PIR: variants seen among roughly 807,000 people sequenced by gnomAD.
The protein encoded by PIR is pirin (iron-binding nuclear protein).
A neutral mutation model predicts 24.2 loss-of-function variants in PIR; 22 were observed. The ratio of observed to expected loss-of-function variants is 0.91; its 90% CI spans 0.65 to 1.30. The LOEUF is 1.30. Among genes scored for constraint, PIR ranks in the 50% most tolerant of loss-of-function variants. The pLI, the probability that PIR is intolerant of heterozygous loss-of-function variation, is 0.00. For synonymous variants in PIR, 80 were observed against 79.6 expected (o/e 1.00, Z -0.03); for missense variants, 220 against 220.3 (o/e 1.00, Z 0.01).
At chrX:15,440,322 C>T (rs1036890182) in intron 5 of PIR, among the ~76,000 whole-genome samples, 1 of 111,285 alleles carries the variant, frequency 9.0e-6, no homozygotes, top group Non-Finnish European at 1.9e-5. Context: ...CAGCCCACTG[C>T]TTCTGGCGGC....
At position 15,390,178 on chromosome X, in the gene PIR, G is replaced by A. The variant is rs1351190465; in HGVS notation, c.760+7C>T. On this transcript the variant is annotated splice_region_variant and intron_variant, in intron 9 of 9. Coordinates refer to ENST00000380420, the MANE Select transcript of PIR (RefSeq NM_001018109.3). ...AACCAAGAAAATCATTGTCATTTTG[G>A]TCTTACCATGTTGGATAACTGGTTC... 3 of 1,062,065 alleles carry A rather than the reference G, an allele frequency of 2.8e-6. No homozygotes were observed. The highest frequency in any genetic ancestry group is 3.7e-5 in the African/African-American group (2 of 53,647). The allele number at this position is 1,062,065 out of a possible 1,213,427, so 87.5% of individuals were successfully genotyped here.
chrX:15,476,768 A>G (rs73635091), intron 3 of PIR, among the ~76,000 whole-genome samples: 5,060 of 111,776 alleles, frequency 0.045, 299 homozygotes, highest in African/African-American at 0.15. Context: ...AAACTATCAT[A>G]AAGCATTATT....
intron 5 of PIR, among the ~76,000 whole-genome samples, chrX:15,431,670 C>CA (rs1485916303): frequency 2.4e-5 from 2 of 82,870 alleles, no homozygotes. Flanking sequence ...AAAAAATAAC[C>CA]ACCCCCCCCC....
At chrX:15,426,478 A>G (rs1925322454) in intron 5 of PIR, among the ~76,000 whole-genome samples, 1 of 112,201 alleles carries the variant, frequency 8.9e-6, no homozygotes, top group Non-Finnish European at 1.9e-5. Flanking sequence ...CTCGCTTGAA[A>G]AAGCCACAAC....
chrX:15,406,074 G>A (rs1924540742), intron 7 of PIR, among the ~76,000 whole-genome samples: 1 of 112,108 alleles, frequency 8.9e-6, no homozygotes, highest in African/African-American at 3.2e-5. Flanking sequence ...CCAAGGAGGT[G>A]GCCATGTTAG....
At chrX:15,446,127 C>T (rs1926094618) in intron 5 of PIR, among the ~76,000 whole-genome samples, 1 of 111,021 alleles carries the variant, frequency 9.0e-6, no homozygotes, top group Non-Finnish European at 1.9e-5. Flanking sequence ...CCACACCCGG[C>T]CTATTCAAGA....
chrX:15,422,302 G>A (rs188850667), intron 6 of PIR, among the ~76,000 whole-genome samples: 41 of 105,376 alleles, frequency 3.9e-4, no homozygotes, highest in Middle Eastern at 5.0e-3. Context: ...ACATAATACT[G>A]GAAGTCTTGG....
intron 3 of PIR, among the ~76,000 whole-genome samples, chrX:15,475,066 G>T (rs1468735125): frequency 9.4e-6 from 1 of 106,159 alleles, no homozygotes; most frequent in Non-Finnish European, 1.9e-5. Flanking sequence ...CAGCCTTGAT[G>T]GTAGGGTTTG....
intron 5 of PIR, among the ~76,000 whole-genome samples, chrX:15,447,301 T>G (rs185073706): frequency 1.0e-4 from 10 of 96,295 alleles, no homozygotes; most frequent in African/African-American, 1.4e-4. Context: ...TGTTTGTTTG[T>G]TTGGTTTTTT....
intron 3 of PIR, among the ~76,000 whole-genome samples, chrX:15,469,755 T>C (rs1300807652): frequency 9.0e-6 from 1 of 111,462 alleles, no homozygotes; most frequent in Non-Finnish European, 1.9e-5. Flanking sequence ...TGAACAGTGT[T>C]GCAGCTATAA....
At chrX:15,472,740 G>C (rs1352985832) in intron 3 of PIR, among the ~76,000 whole-genome samples, 1 of 112,176 alleles carries the variant, frequency 8.9e-6, no homozygotes, top group East Asian at 2.8e-4. Context: ...AATCAGCAGT[G>C]ATGGTTGTGT....
In PIR at chrX:15,488,146, C is replaced by T. The variant is rs375732592; in HGVS notation, c.96+3016G>A. Among the ~76,000 whole-genome samples the T allele has an allele frequency of 1.4e-4, 15 of 108,940 alleles. No individual in the cohort carries two copies. In the East Asian group the frequency reaches 2.6e-3, roughly 19 times the overall value. The allele number at this position is 108,940 out of a possible 115,157, so 94.6% of individuals were successfully genotyped here. ...ATACAAAATTAGCCAGGCGTGGTGG[C>T]GCATGCCTGTAATCCCAGGGACTTG... On this transcript the variant is annotated intron_variant, in intron 2 of 9. Coordinates refer to ENST00000380420, the MANE Select transcript of PIR (RefSeq NM_001018109.3).
intron 5 of PIR, among the ~76,000 whole-genome samples, chrX:15,438,533 T>A (rs1298054191): frequency 8.9e-6 from 1 of 111,992 alleles, no homozygotes; most frequent in Non-Finnish European, 1.9e-5. Context: ...CTAGGCAAGT[T>A]GCTAACCTCA....
intron 6 of PIR, among the ~76,000 whole-genome samples, chrX:15,420,266 A>T (rs1378204919): frequency 8.9e-6 from 1 of 112,072 alleles, no homozygotes; most frequent in Non-Finnish European, 1.9e-5. Context: ...TTTAAAATTC[A>T]TGATGACAAA....
chrX:15,391,432 G>A (rs1923954277), intron 8 of PIR, among the ~76,000 whole-genome samples: 1 of 111,783 alleles, frequency 8.9e-6, no homozygotes, highest in African/African-American at 3.2e-5. Context: ...GTAATCAAAT[G>A]CATTTCTGGT....
chrX:15,473,844 C>T (rs952332024), intron 3 of PIR, among the ~76,000 whole-genome samples: 5 of 112,588 alleles, frequency 4.4e-5, no homozygotes, highest in Admixed American at 9.4e-5. Context: ...CGTGAGCCAC[C>T]GCGCCCAGCC....
chrX:15,399,540 A>C (rs1189112417), intron 7 of PIR, among the ~76,000 whole-genome samples: 1 of 111,932 alleles, frequency 8.9e-6, no homozygotes, highest in Non-Finnish European at 1.9e-5. Context: ...GAGATAAATT[A>C]CATGTTTACT....
chrX:15,434,532 T>C (rs1925684795), intron 5 of PIR, among the ~76,000 whole-genome samples: 1 of 110,240 alleles, frequency 9.1e-6, no homozygotes, highest in African/African-American at 3.3e-5. Context: ...AAGTCAGTGG[T>C]GACTGGTTTC....
At chrX:15,411,639 C>A (rs1924744856) in intron 6 of PIR, among the ~76,000 whole-genome samples, 1 of 110,450 alleles carries the variant, frequency 9.1e-6, no homozygotes, top group Admixed American at 9.7e-5. Context: ...GCAAAGCAAC[C>A]CTGGTCCCTA....
Sources: gnomAD v4.1 joint callset for allele counts (sites outside exome capture counted in the v4.1 genomes callset) on GRCh38, gnomAD v4.1.1 for gene constraint, MANE v1.5 for transcripts, NCBI Gene and HGNC (gene_info 2026-07-23, HGNC 2026-07-21) for gene names.